Variants in MYO1F observed in about 807,000 individuals in gnomAD.
MYO1F encodes the protein unconventional myosin-If.
In MYO1F, 60 loss-of-function variants were observed where a neutral mutation model predicts 146.6. That is an observed-to-expected ratio of 0.41 (90% CI 0.33 to 0.51). The LOEUF is 0.51. Ranked by LOEUF, MYO1F falls within the 20% of genes least tolerant of loss-of-function variation. MYO1F has a pLI of 0.25. For synonymous variants in MYO1F, 602 were observed against 602.1 expected (o/e 1.00, Z 0.00); for missense variants, 1,274 against 1,534.3 (o/e 0.83, Z 2.83).
intron 23 of MYO1F, 59 bp downstream of exon 23, chr19:8,526,730 G>A (rs1306359294): frequency 1.3e-6 from 2 of 1,546,184 alleles, no homozygotes; most frequent in South Asian, 1.2e-5. Context: ...GGTGGGGCGG[G>A]AGAGGGTGCG....
chr19:8,569,860 C>T (rs1226047419), intron 1 of MYO1F, among the ~76,000 whole-genome samples: 1 of 152,136 alleles, frequency 6.6e-6, no homozygotes, highest in African/African-American at 2.4e-5. Context: ...GGGGTCAGCA[C>T]ATAGTCCTGC....
At chr19:8,531,971 A>G (rs1972505534) in intron 19 of MYO1F, among the ~76,000 whole-genome samples, 1 of 152,100 alleles carries the variant, frequency 6.6e-6, no homozygotes, top group African/African-American at 2.4e-5. Context: ...TACAAAAGTT[A>G]GCCGGGTGTG....
At chr19:8,550,911 C>T (rs562943526) in intron 8 of MYO1F, among the ~76,000 whole-genome samples, 3 of 152,086 alleles carry the variant, frequency 2.0e-5, no homozygotes, top group Non-Finnish European at 4.4e-5. Flanking sequence ...GACAGAGTCT[C>T]CCTCTGTTGC....
In MYO1F at chr19:8,550,665, G is replaced by A. The variant is rs907971548; in HGVS notation, c.801C>T (p.Pro267=). The part of the protein sequence containing the change: ...LSAMQVIGIP[P]SIQQLVLQLV... The stretch of plus-strand genomic sequence containing the variant: ...GCTGCAGGACCAGCTGCTGGATGCT[G>A]GGCGGGATCCCAATAACCTGCATAG... Residue 267 remains proline (P), a synonymous_variant, in exon 9 of 28, where the codon CCC becomes CCT. Coordinates refer to ENST00000644032, the MANE Select transcript of MYO1F (RefSeq NM_012335.4). 3.1e-6 allele frequency: 5 copies of A among 1,614,008 alleles called. No homozygotes were observed. In the African/African-American group the frequency reaches 6.7e-5, roughly 22 times the overall value.
At chr19:8,574,593 CTCTCTTTCTTTCTT>C (rs1308558497) in intron 1 of MYO1F, among the ~76,000 whole-genome samples, 6 of 95,616 alleles carry the variant, frequency 6.3e-5, no homozygotes, top group African/African-American at 2.3e-4. Flanking sequence ...CTCTCTCTCT[CTCTCTTTCTTTCTT>C]TCTTTCTTTC....
At chr19:8,542,984 A>G (rs539518897) in intron 14 of MYO1F, among the ~76,000 whole-genome samples, 27 of 151,124 alleles carry the variant, frequency 1.8e-4, no homozygotes, top group South Asian at 8.4e-4. Flanking sequence ...GCTTACTGCA[A>G]CCTCCACCTC....
At chr19:8,572,434 A>G (rs2042127861) in intron 1 of MYO1F, among the ~76,000 whole-genome samples, 1 of 151,794 alleles carries the variant, frequency 6.6e-6, no homozygotes, top group Non-Finnish European at 1.5e-5. Flanking sequence ...CGCTTGGCTA[A>G]TTTTTGTATT....
intron 1 of MYO1F, among the ~76,000 whole-genome samples, chr19:8,559,952 GAAAAAA>G (rs60369992): frequency 9.2e-6 from 1 of 108,516 alleles, no homozygotes; most frequent in African/African-American, 3.7e-5. Context: ...CTCCATCTCA[GAAAAAA>G]AAAAAAAAAA....
rs1334694037 is a variant in MYO1F at position 8,550,316 on chromosome 19, C to A, written c.945G>T (p.Gly315=). ...GGCTGGTCAGCTTCTCCTGCAGTCG[C>A]CCGCTGTCAATGCCCAGCAGGTAGG... is the stretch of plus-strand genomic sequence containing the variant. ...FPAYLLGIDS[G]RLQEKLTSRK... Residue 315 remains glycine (G), a synonymous_variant, in exon 10 of 28, where the codon GGG becomes GGT. Coordinates refer to ENST00000644032, the MANE Select transcript of MYO1F (RefSeq NM_012335.4). The A allele has an allele frequency of 1.2e-6, 2 of 1,613,784 alleles. No homozygotes were observed. Among genetic ancestry groups the A allele is most frequent in the Admixed American group, 3.3e-5 (2 of 59,952 alleles).
At chr19:8,543,768 C>A (rs12462386) in intron 14 of MYO1F, among the ~76,000 whole-genome samples, 1 of 10,944 alleles carries the variant, frequency 9.1e-5, no homozygotes, top group Non-Finnish European at 1.7e-4. Context: ...GGTGGTGGTG[C>A]TGGTGGTGCT....
At chr19:8,569,473 G>A (rs1296092425) in intron 1 of MYO1F, among the ~76,000 whole-genome samples, 2 of 152,090 alleles carry the variant, frequency 1.3e-5, no homozygotes, top group African/African-American at 2.4e-5. Flanking sequence ...GCTGTTTGTG[G>A]TGAAGGTGAT....
chr19:8,549,441 T>C (rs1196099263), intron 10 of MYO1F: 1 of 152,084 alleles, frequency 6.6e-6, no homozygotes, highest in African/African-American at 2.4e-5. Flanking sequence ...CGGCTAATTT[T>C]TGTATTTTTG....
At chr19:8,567,074 T>C (rs867463558) in intron 1 of MYO1F, among the ~76,000 whole-genome samples, 10 of 149,828 alleles carry the variant, frequency 6.7e-5, no homozygotes, top group Admixed American at 3.3e-4. Flanking sequence ...TTTTTTTTTT[T>C]TTTTTGAGAT....
chr19:8,530,109 A>G lies in MYO1F; in HGVS notation c.2328+87T>C. ...AACAGATGGATCTAGGCTGGGGGAT[A>G]TCTGGCTGTGGGCAGGTGCATCTGG... is the stretch of plus-strand genomic sequence containing the variant. On this transcript the variant is annotated intron_variant, in intron 21 of 27. Coordinates refer to ENST00000644032, the MANE Select transcript of MYO1F (RefSeq NM_012335.4). The surrounding 1 kb of genome is among the most constrained non-coding windows in gnomAD (Gnocchi z 5.8). 3 of 1,551,974 alleles carry G rather than the reference A, an allele frequency of 1.9e-6. No homozygotes were observed. Among genetic ancestry groups the G allele is most frequent in the South Asian group, 1.1e-5 (1 of 89,848 alleles).
chr19:8,523,818 C>T (rs1159137119), intron 25 of MYO1F, among the ~76,000 whole-genome samples: 1 of 152,010 alleles, frequency 6.6e-6, no homozygotes, highest in African/African-American at 2.4e-5. Context: ...CCATGCCCAG[C>T]TAATTTAAAA....
intron 12 of MYO1F, 106 bp downstream of exon 12, chr19:8,547,930 G>T (rs747891922): frequency 9.3e-7 from 1 of 1,075,686 alleles, no homozygotes; most frequent in Non-Finnish European, 1.4e-6. Context: ...AGGTGGGAAC[G>T]CGGTGGGGAG....
rs1056206447 is a variant in MYO1F, at chr19:8,530,217, G to A, written c.2307C>T (p.Thr769=). Residue 769 remains threonine (T), a synonymous_variant, in exon 21 of 28, where the codon ACC becomes ACT. Coordinates refer to ENST00000644032, the MANE Select transcript of MYO1F (RefSeq NM_012335.4). The surrounding 1 kb of genome is among the most constrained non-coding windows in gnomAD (Gnocchi z 5.8). ...TCACCTTGAAGCGGCGGTCGTACTT[G>A]GTGACCGAATCGGCGAAGTCCACCC... ...RERVDFADSV[T]KYDRRFKPIK... 1.2e-5 allele frequency: 20 copies of A among 1,613,944 alleles called. No individual in the cohort carries two copies. The highest frequency in any genetic ancestry group is 1.6e-5 in the Non-Finnish European group (19 of 1,180,010).
chr19:8,561,461 T>C (rs1297666784), intron 1 of MYO1F, among the ~76,000 whole-genome samples: 1 of 122,298 alleles, frequency 8.2e-6, no homozygotes, highest in African/African-American at 3.4e-5. Flanking sequence ...CCTCTCTCCC[T>C]CTCTCTCTCT....
chr19:8,522,627 C>T lies in MYO1F; in HGVS notation c.3050+7G>A. Reference sequence around the variant, plus strand: ...ACCTCCTGGAGCTGCCCTCCCACCCCACCTACCCGGCCATGCCCTGGTCAG... The same window carrying T: ...ACCTCCTGGAGCTGCCCTCCCACCCTACCTACCCGGCCATGCCCTGGTCAG... On this transcript the variant is annotated splice_region_variant and intron_variant, in intron 26 of 27. Transcript: ENST00000644032. The T allele has an allele frequency of 6.2e-7, 1 of 1,612,916 alleles. No homozygotes were observed. The highest frequency in any genetic ancestry group is 2.2e-5 in the East Asian group (1 of 44,838).
Sources: gnomAD v4.1 joint callset for allele counts (sites outside exome capture counted in the v4.1 genomes callset) on GRCh38, gnomAD v4.1.1 for gene constraint, Gnocchi (gnomAD v3.1) non-coding constraint, MANE v1.5 for transcripts, NCBI Gene and HGNC (gene_info 2026-07-23, HGNC 2026-07-21) for gene names.